DDX19B: variants seen among roughly 807,000 people sequenced by gnomAD.
DDX19B encodes ATP-dependent RNA helicase DDX19B.
Under a neutral mutation model 58.1 loss-of-function variants are expected in DDX19B, and 27 were observed. The ratio of observed to expected loss-of-function variants is 0.46; its 90% CI spans 0.34 to 0.64. The LOEUF (loss-of-function observed/expected upper bound fraction) is 0.64. Ranked by LOEUF, DDX19B falls within the 30% of genes least tolerant of loss-of-function variation. DDX19B has a pLI of 0.01. For synonymous variants in DDX19B, 187 were observed against 214.4 expected, an observed-to-expected ratio of 0.87 and a Z score of 1.12; for missense variants, 399 against 596.5, an observed-to-expected ratio of 0.67 and a Z score of 3.45.
Position 70,333,758 on chromosome 16 carries a change from A to T in DDX19B, c.*176A>T. On this transcript the variant is annotated 3_prime_UTR_variant, in exon 12 of 12. Coordinates refer to ENST00000288071, the MANE Select transcript of DDX19B (RefSeq NM_007242.7). ...CAAAAATGTATGCAAATGATGGGGG[A>T]TGGTAGAAAAAAATTATTTACACAA... The T allele has an allele frequency of 1.1e-6, 1 of 908,716 alleles. No homozygotes were observed. The highest frequency in any genetic ancestry group is 1.6e-5 in the South Asian group (1 of 61,276). The allele number at this position is 908,716 out of a possible 1,614,324, so 56.3% of individuals were successfully genotyped here. A position where few individuals can be genotyped will look rare whatever the true frequency, so the allele number is the denominator to read the frequency against.
intron 1 of DDX19B, among the ~76,000 whole-genome samples, chr16:70,309,899 T>C (rs1193265219): frequency 3.3e-5 from 5 of 152,010 alleles, no homozygotes; most frequent in African/African-American, 1.2e-4. Flanking sequence ...ATTTTTTTGT[T>C]CTCTCCTCTC....
chr16:70,299,762 T>C (rs895285803), intron 1 of DDX19B, among the ~76,000 whole-genome samples: 1 of 152,186 alleles, frequency 6.6e-6, no homozygotes, highest in Non-Finnish European at 1.5e-5. Context: ...CCATTGTTCC[T>C]GGCCGCCCCG....
chr16:70,314,802 C>T (rs764902718), intron 2 of DDX19B, 100 bp from the exon 3 acceptor site: 3 of 1,301,628 alleles, frequency 2.3e-6, no homozygotes, highest in African/African-American at 1.5e-5. Flanking sequence ...TTTTGCTCCC[C>T]AGGCCTTTAC....
intron 7 of DDX19B, among the ~76,000 whole-genome samples, chr16:70,326,531 G>C (rs1020113406): frequency 7.2e-5 from 11 of 152,128 alleles, no homozygotes; most frequent in Non-Finnish European, 1.2e-4. Flanking sequence ...TTCTAGATTT[G>C]TTTATTTTTA....
chr16:70,324,715 A>G, intron 6 of DDX19B, 28 bp downstream of exon 6: 1 of 1,587,036 alleles, frequency 6.3e-7, no homozygotes, highest in Non-Finnish European at 8.6e-7. Flanking sequence ...TAGGTTTTCT[A>G]CTAATGCATA....
chr16:70,332,200 G>A (rs1963521069), intron 10 of DDX19B, among the ~76,000 whole-genome samples: 1 of 152,188 alleles, frequency 6.6e-6, no homozygotes, highest in Non-Finnish European at 1.5e-5. Flanking sequence ...TCATAATTTT[G>A]TTGGCACCTG....
At position 70,333,067 on chromosome 16, in the gene DDX19B, G is replaced by A. The variant is rs1963561972; in HGVS notation, c.1286G>A (p.Arg429His). Reference protein sequence around the residue: ...DNETYLHRIGRTGRFGKRGLA... With the variant: ...DNETYLHRIGHTGRFGKRGLA... The stretch of plus-strand genomic sequence containing the variant: ...GAGACCTACCTGCACCGGATCGGGC[G>A]CACGGGCCGCTTTGGCAAGAGGGGC... The change falls in exon 11 of 12, where the codon CGC (arginine) becomes CAC (histidine). Residue 429 changes from arginine (R) to histidine (H), a missense_variant. Transcript: ENST00000288071. 6.2e-7 allele frequency: 1 copy of A among 1,607,220 alleles called. No individual in the cohort carries two copies. Among genetic ancestry groups the A allele is most frequent in the Non-Finnish European group, 8.5e-7 (1 of 1,175,978 alleles).
intron 10 of DDX19B, 123 bp from the exon 11 acceptor site, chr16:70,332,845 C>A: frequency 6.4e-7 from 1 of 1,562,032 alleles, no homozygotes; most frequent in South Asian, 1.2e-5. Context: ...CACTCAATGT[C>A]ATGCACGTCT....
chr16:70,318,389 AAAAAG>A (rs1210978789), intron 5 of DDX19B, among the ~76,000 whole-genome samples: 1 of 151,898 alleles, frequency 6.6e-6, no homozygotes, highest in Non-Finnish European at 1.5e-5. Context: ...TGCAAAAAAA[AAAAAG>A]AAAAGAAAAA....
chr16:70,312,900 G>A (rs111778075), intron 2 of DDX19B, among the ~76,000 whole-genome samples: 3 of 152,178 alleles, frequency 2.0e-5, no homozygotes, highest in African/African-American at 7.2e-5. Context: ...CTGGAGTGCA[G>A]TGGTTCAATC....
chr16:70,324,546 T>TTAACAAAGTTTAAAAAAA (rs1963039794), intron 5 of DDX19B, 39 bp from the exon 6 acceptor site: 1 of 1,572,614 alleles, frequency 6.4e-7, no homozygotes, highest in Non-Finnish European at 8.7e-7. Context: ...AACTAAAAGG[T>TTAACAAAGTTTAAAAAAA]TGAGATTTAA....
chr16:70,313,958 C>G (rs1219174562), intron 2 of DDX19B, among the ~76,000 whole-genome samples: 1 of 151,658 alleles, frequency 6.6e-6, no homozygotes, highest in Non-Finnish European at 1.5e-5. Flanking sequence ...AAAATACAAA[C>G]ATTTGCCAGG....
In DDX19B at chr16:70,305,533, A is replaced by G. The variant is rs200337995; in HGVS notation, c.57+6179A>G. Among the ~76,000 whole-genome samples, 16 of 152,284 alleles carry G rather than the reference A, an allele frequency of 1.1e-4. No homozygotes were observed. In the East Asian group the frequency reaches 2.9e-3, roughly 28 times the overall value. On this transcript the variant is annotated intron_variant, in intron 1 of 11. Coordinates refer to ENST00000288071, the MANE Select transcript of DDX19B (RefSeq NM_007242.7). ...TGCATACTTTACTGTTTTATTAAAT[A>G]TATTATGTACATTGTAAAGCAAATA...
At chr16:70,312,551 C>A (rs1962145675) in intron 1 of DDX19B, 58 bp from the exon 2 acceptor site, 1 of 1,516,512 alleles carries the variant, frequency 6.6e-7, no homozygotes, top group African/African-American at 1.4e-5. Context: ...CTGTTGATTC[C>A]AAATCTTTTT....
intron 5 of DDX19B, chr16:70,317,983 T>C (rs561489159): frequency 1.1e-3 from 166 of 152,758 alleles, no homozygotes; most frequent in Non-Finnish European, 2.0e-3. Context: ...AAGATTTGCT[T>C]GAACCCGGGA....
intron 9 of DDX19B, among the ~76,000 whole-genome samples, chr16:70,331,316 A>G (rs1042364670): frequency 2.0e-5 from 3 of 152,244 alleles, no homozygotes; most frequent in African/African-American, 7.2e-5. Context: ...CCAAAGCCTA[A>G]GACTACAGGC....
intron 5 of DDX19B, among the ~76,000 whole-genome samples, chr16:70,318,400 A>G (rs1343202997): frequency 1.3e-5 from 2 of 151,336 alleles, no homozygotes; most frequent in East Asian, 3.9e-4. Context: ...AAAAGAAAAG[A>G]AAAAAAATCA....
intron 2 of DDX19B, among the ~76,000 whole-genome samples, chr16:70,314,090 G>A (rs544335145): frequency 6.6e-6 from 1 of 151,744 alleles, no homozygotes; most frequent in South Asian, 2.1e-4. Flanking sequence ...GGCTGGGTAA[G>A]AGTGAGACTG....
chr16:70,325,279 T>C (rs1963082301), intron 6 of DDX19B, among the ~76,000 whole-genome samples: 1 of 152,198 alleles, frequency 6.6e-6, no homozygotes, highest in African/African-American at 2.4e-5. Flanking sequence ...GAGAGCTTTC[T>C]GAGTAAACGA....
Sources: gnomAD v4.1 joint callset for allele counts (sites outside exome capture counted in the v4.1 genomes callset) on GRCh38, gnomAD v4.1.1 for gene constraint, MANE v1.5 for transcripts, NCBI Gene and HGNC (gene_info 2026-07-23, HGNC 2026-07-21) for gene names.